FYB1: variants seen among roughly 807,000 people sequenced by gnomAD.
FYB1 encodes the protein FYN binding protein 1.
FYB1 carries 41 observed loss-of-function variants against 94.1 expected under a neutral mutation model. The ratio of observed to expected loss-of-function variants is 0.44; its 90% CI spans 0.34 to 0.57. The LOEUF (loss-of-function observed/expected upper bound fraction) is 0.57. FYB1 is among the 20% of genes least tolerant of loss of function. The probability of loss-of-function intolerance (pLI) is 0.02; values close to 1 mark genes in which losing one functional copy is unlikely to be tolerated. For synonymous variants in FYB1, 367 were observed against 353.2 expected (o/e 1.04, Z -0.44); for missense variants, 1,050 against 976.8 (o/e 1.07, Z -1.00).
At chr5:39,197,561 A>G (rs1747941520) in intron 2 of FYB1, among the ~76,000 whole-genome samples, 1 of 152,266 alleles carries the variant, frequency 6.6e-6, no homozygotes, top group Non-Finnish European at 1.5e-5. Flanking sequence ...TCCATTGGCC[A>G]CATTTATTTA....
intron 16 of FYB1, among the ~76,000 whole-genome samples, chr5:39,113,865 CAG>C (rs1388193424): frequency 6.6e-6 from 1 of 152,070 alleles, no homozygotes; most frequent in South Asian, 2.1e-4. Context: ...AAAGAAAAAA[CAG>C]AGCGTTGTAT....
intron 12 of FYB1, 44 bp downstream of exon 12, chr5:39,125,953 AT>A: frequency 6.4e-7 from 1 of 1,568,382 alleles, no homozygotes; most frequent in South Asian, 1.1e-5. Context: ...TTCAATACAT[AT>A]TAGTGTAGTT....
intron 1 of FYB1, among the ~76,000 whole-genome samples, chr5:39,258,140 C>T (rs1188658420): frequency 6.6e-6 from 1 of 152,122 alleles, no homozygotes; most frequent in African/African-American, 2.4e-5. Context: ...TTGAGAACCA[C>T]CGTCTTAATA....
chr5:39,231,753 C>CTTTTTTTTTTTTTTTT (rs1561294595), intron 1 of FYB1, among the ~76,000 whole-genome samples: 11 of 152,100 alleles, frequency 7.2e-5, no homozygotes, highest in African/African-American at 2.4e-4. Flanking sequence ...AGAGCTATTT[C>CTTTTTTTTTTTTTTTT]TCTTTCACAG....
chr5:39,190,825 A>G (rs1364604544), intron 2 of FYB1, among the ~76,000 whole-genome samples: 1 of 149,422 alleles, frequency 6.7e-6, no homozygotes, highest in Non-Finnish European at 1.5e-5. Context: ...ACACACATAC[A>G]TCTCACATCT....
intron 4 of FYB1, chr5:39,139,636 A>G (rs1193831516): frequency 1.3e-5 from 2 of 153,662 alleles, no homozygotes; most frequent in African/African-American, 4.8e-5. Flanking sequence ...GTTTTTATGT[A>G]TCAAACAAAT....
chr5:39,171,920 T>C (rs1017824379), intron 2 of FYB1, among the ~76,000 whole-genome samples: 4 of 152,040 alleles, frequency 2.6e-5, no homozygotes, highest in Admixed American at 1.3e-4. Flanking sequence ...TCTTTTGTAA[T>C]TGGACAAACG....
rs115075088 is a variant in FYB1, at chr5:39,143,423, G to A, written c.1293-2282C>T. 5.4e-3 allele frequency among the ~76,000 whole-genome samples: 822 copies of A among 152,094 alleles called. 7 individuals are homozygous for A. Among genetic ancestry groups the A allele is most frequent in the African/African-American group, 0.018 (760 of 41,494 alleles). On this transcript the variant is annotated intron_variant, in intron 3 of 18. Transcript: ENST00000512982. ...CCCTCTTCCATTTCTCGTCTCTCCCGCTAGACACAAAAATAGGATTATATT... is the reference window on the plus strand; with the variant it reads ...CCCTCTTCCATTTCTCGTCTCTCCCACTAGACACAAAAATAGGATTATATT...
intron 12 of FYB1, 169 bp from the exon 13 acceptor site, chr5:39,124,447 T>C (rs962390236): frequency 2.0e-6 from 1 of 492,434 alleles, no homozygotes; most frequent in Non-Finnish European, 3.6e-6. Flanking sequence ...AGTCCATTTC[T>C]GTTTATCAAT....
chr5:39,134,114 G>A (rs1442221739), intron 9 of FYB1, 94 bp downstream of exon 9: 1 of 862,518 alleles, frequency 1.2e-6, no homozygotes, highest in Non-Finnish European at 1.8e-6. Context: ...GAGAGCAGTA[G>A]GAGTTATGGA....
chr5:39,148,854 G>A (rs1320155996), intron 3 of FYB1, among the ~76,000 whole-genome samples: 1 of 151,838 alleles, frequency 6.6e-6, no homozygotes, highest in South Asian at 2.1e-4. Flanking sequence ...CACTTTTCCT[G>A]TCTCATTACT....
At chr5:39,225,102 C>A (rs1179476803) in intron 1 of FYB1, among the ~76,000 whole-genome samples, 1 of 152,128 alleles carries the variant, frequency 6.6e-6, no homozygotes, top group Admixed American at 6.5e-5. Context: ...TAGTCTCTTC[C>A]TGATTTTCTG....
At chr5:39,256,367 G>A (rs764678857) in intron 1 of FYB1, among the ~76,000 whole-genome samples, 82 of 152,276 alleles carry the variant, frequency 5.4e-4, no homozygotes, top group South Asian at 4.1e-4. Flanking sequence ...AGGACTTACC[G>A]TGTGGAAGGG....
chr5:39,162,853 T>G (rs891032495), intron 2 of FYB1, among the ~76,000 whole-genome samples: 3 of 152,180 alleles, frequency 2.0e-5, no homozygotes, highest in African/African-American at 7.2e-5. Flanking sequence ...ATTTTCATAT[T>G]TATAAGTGAG....
Position 39,153,799 on chromosome 5 carries a change from G to A in FYB1, c.1136-195C>T, listed in dbSNP as rs542143639. ...GTGCTGTATATCTTTTGTGAGACAG[G>A]GTCTAGCTCTGCTACCCAGGCTGGG... On this transcript the variant is annotated intron_variant, in intron 2 of 18. Coordinates refer to ENST00000512982, the MANE Select transcript of FYB1 (RefSeq NM_001465.6). Among the ~76,000 whole-genome samples the A allele has an allele frequency of 5.9e-5, 9 of 152,058 alleles. 1 individual carries two copies. Among genetic ancestry groups the A allele is most frequent in the African/African-American group, 1.9e-4 (8 of 41,472 alleles).
At chr5:39,239,230 C>A (rs1661855) in intron 1 of FYB1, among the ~76,000 whole-genome samples, 23,038 of 152,004 alleles carry the variant, frequency 0.15, 4,627 homozygotes, top group African/African-American at 0.44. Flanking sequence ...AAGCTGGAAG[C>A]ATTCCTTTTG....
chr5:39,241,759 G>T (rs1252766563), intron 1 of FYB1, among the ~76,000 whole-genome samples: 3 of 151,890 alleles, frequency 2.0e-5, no homozygotes, highest in East Asian at 1.9e-4. Context: ...CACCTGATTT[G>T]AAGAGCAGTG....
intron 1 of FYB1, among the ~76,000 whole-genome samples, chr5:39,230,702 T>C (rs980246759): frequency 1.3e-5 from 2 of 152,054 alleles, no homozygotes; most frequent in Non-Finnish European, 2.9e-5. Context: ...CTTCAGTGAA[T>C]TGGCCTTACC....
chr5:39,209,325 A>T (rs957512688), intron 1 of FYB1, among the ~76,000 whole-genome samples: 1 of 107,310 alleles, frequency 9.3e-6, no homozygotes, highest in East Asian at 2.2e-4. Flanking sequence ...CACTGTTTAA[A>T]TATGTTTTTT....
Sources: allele counts gnomAD v4.1 joint callset (sites outside exome capture counted in the v4.1 genomes callset), GRCh38; gene constraint gnomAD v4.1.1; transcripts MANE v1.5; gene names NCBI Gene and HGNC (gene_info 2026-07-23, HGNC 2026-07-21).